Variants in GPC6 observed in about 807,000 individuals in gnomAD.
GPC6 encodes glypican-6.
GPC6 carries 14 observed loss-of-function variants against 55.2 expected under a neutral mutation model. That is an observed-to-expected ratio of 0.25 (90% CI 0.17 to 0.40). The LOEUF (loss-of-function observed/expected upper bound fraction) is 0.40. GPC6 is among the 10% of genes least tolerant of loss of function. GPC6 has a pLI of 1.00. For missense variants in GPC6, 641 were observed against 708.5 expected (o/e 0.90, Z 1.08); for synonymous variants, 278 against 259.6 (o/e 1.07, Z -0.68).
intron 3 of GPC6, among the ~76,000 whole-genome samples, chr13:93,916,608 A>C (rs1239215593): frequency 6.6e-6 from 1 of 152,210 alleles, no homozygotes; most frequent in South Asian, 2.1e-4. Flanking sequence ...ATAACTTGTC[A>C]GACTTCCACT....
intron 2 of GPC6, among the ~76,000 whole-genome samples, chr13:93,722,576 A>T (rs1402749556): frequency 6.6e-6 from 1 of 151,828 alleles, no homozygotes; most frequent in Non-Finnish European, 1.5e-5. Context: ...TTTTTATTTC[A>T]AATATCAAAG....
At chr13:94,172,052 T>C (rs181434203) in intron 4 of GPC6, among the ~76,000 whole-genome samples, 3 of 152,282 alleles carry the variant, frequency 2.0e-5, no homozygotes, top group Admixed American at 2.0e-4. Flanking sequence ...GTGAGCATTG[T>C]TTAAATGCCC....
At chr13:93,584,897 C>G (rs9589783) in intron 2 of GPC6, among the ~76,000 whole-genome samples, 21,432 of 151,828 alleles carry the variant, frequency 0.14, 3,693 homozygotes, top group African/African-American at 0.41. Context: ...ACCACATTGC[C>G]CAGACTAGTC....
At chr13:94,347,138 A>G (rs1467531661) in intron 6 of GPC6, among the ~76,000 whole-genome samples, 3 of 152,166 alleles carry the variant, frequency 2.0e-5, no homozygotes, top group Non-Finnish European at 4.4e-5. Context: ...AGCATTTCAG[A>G]TGCACGATTC....
chr13:93,375,075 A>T (rs892959667), intron 1 of GPC6, among the ~76,000 whole-genome samples: 1 of 152,154 alleles, frequency 6.6e-6, no homozygotes, highest in African/African-American at 2.4e-5. Flanking sequence ...CTGTCTTTGA[A>T]ATCCATGTTA....
chr13:93,307,807 T>C (rs956010653), intron 1 of GPC6, among the ~76,000 whole-genome samples: 1 of 152,196 alleles, frequency 6.6e-6, no homozygotes, highest in Non-Finnish European at 1.5e-5. Context: ...ATTTATATTC[T>C]TGAAAAATGC....
At chr13:93,499,903 T>A (rs1029387431) in intron 1 of GPC6, among the ~76,000 whole-genome samples, 1 of 152,188 alleles carries the variant, frequency 6.6e-6, no homozygotes. Flanking sequence ...CTTTTAAATT[T>A]CAAGGTATGC....
rs903713374 is a variant in GPC6 at position 93,393,302 on chromosome 13, C to A, written c.161-151961C>A. On this transcript the variant is annotated intron_variant, in intron 1 of 8. Transcript: ENST00000377047. Reference sequence around the variant, plus strand: ...TACACGCGCCCACCACCACACCCAGCTAATTTTTTGTATTTTTAGTAGAGA... The same window carrying A: ...TACACGCGCCCACCACCACACCCAGATAATTTTTTGTATTTTTAGTAGAGA... Among the ~76,000 whole-genome samples, 5 of 151,750 alleles carry A rather than the reference C, an allele frequency of 3.3e-5. No homozygotes were observed. In the East Asian group the frequency reaches 9.8e-4, roughly 30 times the overall value.
At chr13:93,757,942 C>T (rs573466496) in intron 2 of GPC6, among the ~76,000 whole-genome samples, 9 of 152,284 alleles carry the variant, frequency 5.9e-5, no homozygotes, top group African/African-American at 2.2e-4. Flanking sequence ...TGAAAAATCT[C>T]CAAGGCCCCC....
Position 94,376,736 on chromosome 13 carries a change from C to T in GPC6, c.1153-5678C>T, listed in dbSNP as rs1286780542. Among the ~76,000 whole-genome samples, 30 of 151,962 alleles carry T rather than the reference C, an allele frequency of 2.0e-4. No individual in the cohort carries two copies. The East Asian group carries it at 2.1e-3, about 11-fold the overall frequency. ...TATGGAACCAAAAAAGAGCCCGCATCGCCAAGACAATCCTAAGCCAAAAGA... is the reference window on the plus strand; with the variant it reads ...TATGGAACCAAAAAAGAGCCCGCATTGCCAAGACAATCCTAAGCCAAAAGA... On this transcript the variant is annotated intron_variant, in intron 6 of 8. Coordinates refer to ENST00000377047, the MANE Select transcript of GPC6 (RefSeq NM_005708.5).
At chr13:93,515,715 TAG>T (rs1881164487) in intron 1 of GPC6, among the ~76,000 whole-genome samples, 1 of 152,194 alleles carries the variant, frequency 6.6e-6, no homozygotes, top group African/African-American at 2.4e-5. Context: ...AAATACTGAC[TAG>T]TGACGTATCA....
At position 93,747,712 on chromosome 13, in the gene GPC6, T is replaced by G. The variant is rs146315879; in HGVS notation, c.320-82442T>G. 1.8e-3 allele frequency among the ~76,000 whole-genome samples: 268 copies of G among 152,328 alleles called. 1 individual carries two copies. Among genetic ancestry groups the G allele is most frequent in the Non-Finnish European group, 3.0e-3 (206 of 68,034 alleles). Reference sequence around the variant, plus strand: ...ATGATTTTACCTAACTGTGGGCTAATGTAAGCATTCTGAGCATGCTCTAGG... The same window carrying G: ...ATGATTTTACCTAACTGTGGGCTAAGGTAAGCATTCTGAGCATGCTCTAGG... On this transcript the variant is annotated intron_variant, in intron 2 of 8. Coordinates refer to ENST00000377047, the MANE Select transcript of GPC6 (RefSeq NM_005708.5).
At chr13:93,532,095 C>T (rs1020645479) in intron 1 of GPC6, among the ~76,000 whole-genome samples, 1 of 152,168 alleles carries the variant, frequency 6.6e-6, no homozygotes, top group Non-Finnish European at 1.5e-5. Context: ...TCCTGTTTTG[C>T]CCAAGTGAGC....
intron 1 of GPC6, among the ~76,000 whole-genome samples, chr13:93,301,969 C>A (rs937658554): frequency 2.0e-5 from 3 of 152,132 alleles, no homozygotes; most frequent in African/African-American, 7.2e-5. Flanking sequence ...TTTAATACCC[C>A]TACAAAGCTT....
At chr13:94,036,249 A>T (rs1003533295) in intron 4 of GPC6, among the ~76,000 whole-genome samples, 2 of 152,094 alleles carry the variant, frequency 1.3e-5, no homozygotes, top group Non-Finnish European at 2.9e-5. Flanking sequence ...AAATTAAAAT[A>T]GAGCATGAAA....
intron 1 of GPC6, among the ~76,000 whole-genome samples, chr13:93,258,557 A>T (rs1877031943): frequency 6.6e-6 from 1 of 152,092 alleles, no homozygotes; most frequent in African/African-American, 2.4e-5. Context: ...TTCCTGTGTA[A>T]ATTAGCCATA....
intron 2 of GPC6, among the ~76,000 whole-genome samples, chr13:93,792,933 C>T (rs752058016): frequency 6.6e-6 from 1 of 152,100 alleles, no homozygotes; most frequent in Non-Finnish European, 1.5e-5. Context: ...GCTAGCCATG[C>T]GACCCTGACA....
At chr13:93,514,263 A>G (rs1264729933) in intron 1 of GPC6, among the ~76,000 whole-genome samples, 4 of 152,152 alleles carry the variant, frequency 2.6e-5, no homozygotes, top group African/African-American at 7.2e-5. Context: ...GAGGGAAGCC[A>G]TAGGTGCTCT....
At position 94,382,426 on chromosome 13, in the gene GPC6, A is replaced by C; in HGVS notation, c.1165A>C (p.Lys389Gln). The C allele has an allele frequency of 1.2e-6, 2 of 1,614,170 alleles. No homozygotes were observed. Among genetic ancestry groups the C allele is most frequent in the Non-Finnish European group, 1.7e-6 (2 of 1,179,974 alleles). The change falls in exon 7 of 9, where the codon AAA becomes CAA. Residue 389 changes from lysine to glutamine, a missense_variant. Coordinates refer to ENST00000377047, the MANE Select transcript of GPC6 (RefSeq NM_005708.5). Reference protein sequence around the residue: ...TSLDRLVTDIKEKLKLSKKVW... With the variant: ...TSLDRLVTDIQEKLKLSKKVW... ...GTTTCTTGATCAGGTCACAGACATA[A>C]AAGAGAAATTGAAGCTCTCTAAAAA...
Sources: allele counts gnomAD v4.1 joint callset (sites outside exome capture counted in the v4.1 genomes callset), GRCh38; gene constraint gnomAD v4.1.1; transcripts MANE v1.5; gene names NCBI Gene and HGNC (gene_info 2026-07-23, HGNC 2026-07-21).